The following TSHZ1 variants were observed in gnomAD, a reference collection of about 807,000 sequenced individuals.
TSHZ1 encodes the protein teashirt homolog 1.
In TSHZ1, 12 loss-of-function variants were observed where a neutral mutation model predicts 67.1. That is an observed-to-expected ratio of 0.18 (90% CI 0.11 to 0.29). The LOEUF is 0.29. Ranked by LOEUF, TSHZ1 falls within the 10% of genes least tolerant of loss-of-function variation. The pLI, the probability that TSHZ1 is intolerant of heterozygous loss-of-function variation, is 1.00. For missense variants in TSHZ1, 1,305 were observed against 1,413.9 expected, an observed-to-expected ratio of 0.92 and a Z score of 1.23; for synonymous variants, 632 against 622.4, an observed-to-expected ratio of 1.02 and a Z score of -0.23.
intron 1 of TSHZ1, among the ~76,000 whole-genome samples, chr18:75,214,231 C>T (rs146050889): frequency 3.3e-5 from 5 of 152,286 alleles, no homozygotes; most frequent in African/African-American, 4.8e-5. Context: ...CATTAACACA[C>T]GTTGGTTCAC....
chr18:75,287,359 A>T lies in TSHZ1; in HGVS notation c.1952A>T (p.Asn651Ile), dbSNP rs1018105040. The change falls in exon 2 of 2, where the codon AAC (asparagine) becomes ATC (isoleucine). Residue 651 changes from asparagine (N) to isoleucine (I), a missense_variant. Asn to Ile is a moderately radical substitution (Grantham distance 149). Coordinates refer to ENST00000580243, the MANE Select transcript of TSHZ1 (RefSeq NM_001308210.2). This position sits in a 1 kb window ranked among gnomAD's most constrained non-coding sequence, Gnocchi z 5.0. ...ELVEKVTGKV[N>I]IKKEERPPEK... is the part of the protein sequence containing the mutation. Reference sequence around the variant, plus strand: ...GTGGAGAAGGTCACGGGCAAGGTCAACATCAAGAAGGAGGAGAGACCCCCT... The same window carrying T: ...GTGGAGAAGGTCACGGGCAAGGTCATCATCAAGAAGGAGGAGAGACCCCCT... The T allele has an allele frequency of 5.0e-6, 8 of 1,614,026 alleles. No individual in the cohort carries two copies. Among genetic ancestry groups the T allele is most frequent in the Non-Finnish European group, 6.8e-6 (8 of 1,180,052 alleles).
chr18:75,270,694 G>T (rs1185185368), intron 1 of TSHZ1, among the ~76,000 whole-genome samples: 1 of 152,156 alleles, frequency 6.6e-6, no homozygotes, highest in South Asian at 2.1e-4. Context: ...TTTCTTTCAG[G>T]CTACTGTCGT....
chr18:75,253,666 G>A (rs1732498100), intron 1 of TSHZ1, among the ~76,000 whole-genome samples: 1 of 152,210 alleles, frequency 6.6e-6, no homozygotes, highest in Non-Finnish European at 1.5e-5. Flanking sequence ...GAATTGGCAG[G>A]AAAAGGGGCT....
chr18:75,263,997 C>T (rs1370176158), intron 1 of TSHZ1, among the ~76,000 whole-genome samples: 1 of 152,194 alleles, frequency 6.6e-6, no homozygotes, highest in African/African-American at 2.4e-5. Context: ...ATCAATTCCA[C>T]CCATTTCAAG....
rs1398213959 is a variant in TSHZ1, at chr18:75,288,071, G to T, written c.2664G>T (p.Arg888=). Residue 888 remains arginine, a synonymous_variant, in exon 2 of 2, where the codon CGG becomes CGT. Coordinates refer to ENST00000580243, the MANE Select transcript of TSHZ1 (RefSeq NM_001308210.2). The surrounding 1 kb of genome is among the most constrained non-coding windows in gnomAD (Gnocchi z 4.9). ...ELSPVHKRKG[R]QSNWNPQHLL... ...CACCGGTCCACAAGAGGAAGGGCCG[G>T]CAGTCCAACTGGAACCCGCAGCACC... The T allele has an allele frequency of 6.2e-7, 1 of 1,613,602 alleles. No homozygotes were observed.
chr18:75,244,087 C>G (rs560735806), intron 1 of TSHZ1, among the ~76,000 whole-genome samples: 72 of 152,070 alleles, frequency 4.7e-4, no homozygotes, highest in Non-Finnish European at 4.7e-4. Flanking sequence ...CTAGCTAGAT[C>G]GGAGCAGGAA....
At chr18:75,279,601 T>TGGGGACCTG (rs1246786884) in intron 1 of TSHZ1, among the ~76,000 whole-genome samples, 1 of 152,016 alleles carries the variant, frequency 6.6e-6, no homozygotes, top group Non-Finnish European at 1.5e-5. Context: ...CCACTGTGGT[T>TGGGGACCTG]GGGGACCTGG....
chr18:75,246,403 G>GGTTGTGTGTGTGT (rs1555727132), intron 1 of TSHZ1, among the ~76,000 whole-genome samples: 3 of 108,432 alleles, frequency 2.8e-5, no homozygotes, highest in South Asian at 3.8e-4. Context: ...TTTGGTTTCT[G>GGTTGTGTGTGTGT]GTGTGTGTGT....
intron 1 of TSHZ1, among the ~76,000 whole-genome samples, chr18:75,278,610 G>T (rs115700412): frequency 6.6e-6 from 1 of 152,048 alleles, no homozygotes; most frequent in Admixed American, 6.6e-5. Flanking sequence ...AGAAGACTCA[G>T]CGCACCGTGA....
rs1044722834 is a variant in TSHZ1 at position 75,210,949 on chromosome 18, T to C, written c.-928T>C. On this transcript the variant is annotated 5_prime_UTR_variant, in exon 1 of 2. Coordinates refer to ENST00000580243, the MANE Select transcript of TSHZ1 (RefSeq NM_001308210.2). ...TCGCCCACCCAGTGAATGTCTGCTC[T>C]TCACCCCCTTTGCACACACTCTCCG... The C allele has an allele frequency of 4.0e-5, 6 of 149,322 alleles. No homozygotes were observed. The highest frequency in any genetic ancestry group is 7.4e-5 in the Non-Finnish European group (5 of 67,410). The allele number at this position is 149,322 out of a possible 1,614,324, so 9.2% of individuals were successfully genotyped here.
At chr18:75,282,654 A>G (rs2023700605) in intron 1 of TSHZ1, among the ~76,000 whole-genome samples, 1 of 152,154 alleles carries the variant, frequency 6.6e-6, no homozygotes, top group Non-Finnish European at 1.5e-5. Flanking sequence ...GAGAGCTGCC[A>G]TCCTCAAGCC....
rs981237860 is a variant in TSHZ1 at position 75,281,154 on chromosome 18, G to C, written c.41-4294G>C. On this transcript the variant is annotated intron_variant, in intron 1 of 1. Transcript: ENST00000580243. The surrounding 1 kb of genome is among the most constrained non-coding windows in gnomAD (Gnocchi z 5.3). ...CGTCTGCTGGAAGGGAGAATGTCAC[G>C]GACCAGGAGTGGAGCGAGGTCATCT... 6.6e-6 allele frequency among the ~76,000 whole-genome samples: 1 copy of C among 152,200 alleles called. No homozygotes were observed. Among genetic ancestry groups the C allele is most frequent in the East Asian group, 1.9e-4 (1 of 5,192 alleles).
At chr18:75,221,545 T>A (rs1376084383) in intron 1 of TSHZ1, among the ~76,000 whole-genome samples, 2 of 152,260 alleles carry the variant, frequency 1.3e-5, no homozygotes, top group African/African-American at 4.8e-5. Context: ...ATATGCCTTA[T>A]TGGCAAGTCA....
Position 75,242,896 on chromosome 18 carries a change from C to T in TSHZ1, c.40+30980C>T, listed in dbSNP as rs534142646. 3.3e-3 allele frequency among the ~76,000 whole-genome samples: 500 copies of T among 152,320 alleles called. 1 individual carries two copies. Among genetic ancestry groups the T allele is most frequent in the Admixed American group, 5.9e-3 (91 of 15,306 alleles). On this transcript the variant is annotated intron_variant, in intron 1 of 1. Coordinates refer to ENST00000580243, the MANE Select transcript of TSHZ1 (RefSeq NM_001308210.2). ...CTGAGTCTTGAAATTCTTTGCTTTC[C>T]AATTCTGTCTTCCTCCACCCCTAGA...
intron 1 of TSHZ1, among the ~76,000 whole-genome samples, chr18:75,225,387 C>T (rs1262208805): frequency 1.3e-5 from 2 of 152,190 alleles, no homozygotes; most frequent in African/African-American, 2.4e-5. Context: ...GCGTGGAGCT[C>T]GCGGGAGAGT....
intron 1 of TSHZ1, 144 bp from the exon 2 acceptor site, chr18:75,285,304 G>A: frequency 1.0e-6 from 1 of 981,084 alleles, no homozygotes; most frequent in South Asian, 2.3e-5. Flanking sequence ...TCCTGCAAAG[G>A]GGTAGATATG....
chr18:75,213,395 A>T (rs908189259), intron 1 of TSHZ1, among the ~76,000 whole-genome samples: 61 of 152,234 alleles, frequency 4.0e-4, no homozygotes, highest in African/African-American at 1.4e-3. Context: ...CAAATAATAT[A>T]GCTCAGTGTC....
At position 75,217,732 on chromosome 18, in the gene TSHZ1, G is replaced by A. The variant is rs375780286; in HGVS notation, c.40+5816G>A. ...GGTTTCTACCTGCATGGCGTGTCAC[G>A]AAGAGCATGTTGTTATGTTGATCGT... On this transcript the variant is annotated intron_variant, in intron 1 of 1. Transcript: ENST00000580243. 1.4e-4 allele frequency among the ~76,000 whole-genome samples: 21 copies of A among 152,272 alleles called. 2 individuals are homozygous for A. Among genetic ancestry groups the A allele is most frequent in the African/African-American group, 4.1e-4 (17 of 41,548 alleles).
chr18:75,230,520 T>A (rs1599029782), intron 1 of TSHZ1, among the ~76,000 whole-genome samples: 1 of 152,318 alleles, frequency 6.6e-6, no homozygotes, highest in East Asian at 1.9e-4. Context: ...TGTTTTTTAA[T>A]TTTTTTCTTG....
Sources: gnomAD v4.1 joint callset for allele counts (sites outside exome capture counted in the v4.1 genomes callset) on GRCh38, gnomAD v4.1.1 for gene constraint, Gnocchi (gnomAD v3.1) non-coding constraint, MANE v1.5 for transcripts, NCBI Gene and HGNC (gene_info 2026-07-23, HGNC 2026-07-21) for gene names.